ATP6V1C2: variants seen among roughly 807,000 people sequenced by gnomAD.
ATP6V1C2 encodes V-type proton ATPase subunit C 2.
Under a neutral mutation model 56.8 loss-of-function variants are expected in ATP6V1C2, and 45 were observed. The observed-to-expected ratio is 0.79, with a 90% CI of 0.62 to 1.02. ATP6V1C2 has a LOEUF of 1.02. Among genes scored for constraint, ATP6V1C2 ranks in the 50% least tolerant of loss-of-function variants. ATP6V1C2 has a pLI of 0.00. For synonymous variants in ATP6V1C2, 220 were observed against 201.3 expected, an observed-to-expected ratio of 1.09 and a Z score of -0.79; for missense variants, 463 against 519.7, an observed-to-expected ratio of 0.89 and a Z score of 1.06.
At position 10,782,353 on chromosome 2, in the gene ATP6V1C2, T is replaced by C; in HGVS notation, c.1172T>C (p.Val391Ala). ...LNSVFRHLDE[V>A]AATSILDASV... ...TCTGTCTTCCGACATCTGGATGAAG[T>C]AGCCGCTACAAGTATACTGGATGTA... The change falls in exon 13 of 14, where the codon GTA becomes GCA. Residue 391 changes from valine (V) to alanine (A), a missense_variant. By Grantham distance (64) the Val-to-Ala change is moderately conservative. Coordinates refer to ENST00000272238, the MANE Select transcript of ATP6V1C2 (RefSeq NM_001039362.2). 1 of 1,614,198 alleles carries C rather than the reference T, an allele frequency of 6.2e-7. No homozygotes were observed.
chr2:10,746,617 G>A (rs948473596), intron 3 of ATP6V1C2, among the ~76,000 whole-genome samples: 3 of 151,888 alleles, frequency 2.0e-5, no homozygotes, highest in African/African-American at 7.3e-5. Context: ...TCACCATGTC[G>A]ACCAGGATGA....
intron 3 of ATP6V1C2, among the ~76,000 whole-genome samples, chr2:10,742,747 C>A (rs932632589): frequency 3.3e-5 from 5 of 152,268 alleles, no homozygotes; most frequent in Middle Eastern, 3.4e-3. Context: ...GCCTTGGGGT[C>A]CAGGGTTTAG....
chr2:10,765,752 T>C (rs892777207), intron 5 of ATP6V1C2, among the ~76,000 whole-genome samples: 2 of 152,204 alleles, frequency 1.3e-5, no homozygotes, highest in Non-Finnish European at 2.9e-5. Flanking sequence ...AAGCACATGA[T>C]GGCTGGTGGG....
rs1661441375 is a variant in ATP6V1C2 at position 10,722,900 on chromosome 2, A to G, written c.51A>G (p.Gln17=). 2 of 1,614,110 alleles carry G rather than the reference A, an allele frequency of 1.2e-6. No individual in the cohort carries two copies. The highest frequency in any genetic ancestry group is 1.7e-6 in the Non-Finnish European group (2 of 1,180,016). The change falls in exon 2 of 14, where the codon CAA becomes CAG. Residue 17 remains glutamine (Q), a synonymous_variant. Coordinates refer to ENST00000272238, the MANE Select transcript of ATP6V1C2 (RefSeq NM_001039362.2). ...CCCCTGGCGATAAGGAAAATTTGCA[A>G]GCTCTGGAGAGGATGAATACTGTAA... The part of the protein sequence containing the change: ...ISAPGDKENL[Q]ALERMNTVTS...
Position 10,763,497 on chromosome 2 carries a change from G to C in ATP6V1C2, c.284-834G>C, listed in dbSNP as rs544720939. 6.6e-6 allele frequency among the ~76,000 whole-genome samples: 1 copy of C among 152,156 alleles called. No homozygotes were observed. The highest frequency in any genetic ancestry group is 1.5e-5 in the Non-Finnish European group (1 of 68,016). ...GCAGGGTGATGGGTGTGGAGTGAGC[G>C]TGACAGTCCCCTTTCATGCACCAGG... On this transcript the variant is annotated intron_variant, in intron 4 of 13. Coordinates refer to ENST00000272238, the MANE Select transcript of ATP6V1C2 (RefSeq NM_001039362.2). The surrounding 1 kb of genome is among the most constrained non-coding windows in gnomAD (Gnocchi z 4.2).
At chr2:10,753,854 C>A in intron 3 of ATP6V1C2, 127 bp from the exon 4 acceptor site, 1 of 813,624 alleles carries the variant, frequency 1.2e-6, no homozygotes, top group Non-Finnish European at 2.0e-6. Flanking sequence ...TTTTAACCCT[C>A]TTCATACATC....
Position 10,784,830 on chromosome 2 carries a change from G to A in ATP6V1C2, c.*1567G>A. 1 of 808,854 alleles carries A rather than the reference G, an allele frequency of 1.2e-6. No homozygotes were observed. The highest frequency in any genetic ancestry group is 2.1e-6 in the Non-Finnish European group (1 of 487,322). 50.1% of individuals were successfully genotyped at this position (808,854 alleles called of 1,614,324 possible). On this transcript the variant is annotated 3_prime_UTR_variant, in exon 14 of 14. Transcript: ENST00000272238. Reference sequence around the variant, plus strand: ...TTAAAAGGCCCACGGGTGCACCAGGGCTGAGGTCTGATGGGAAGGACTTGA... The same window carrying A: ...TTAAAAGGCCCACGGGTGCACCAGGACTGAGGTCTGATGGGAAGGACTTGA...
intron 6 of ATP6V1C2, among the ~76,000 whole-genome samples, chr2:10,769,474 C>T (rs536079826): frequency 1.8e-4 from 28 of 152,158 alleles, no homozygotes; most frequent in South Asian, 4.2e-4. Flanking sequence ...GAGGCTGAGG[C>T]GGGCGGATTA....
chr2:10,762,630 C>A (rs1432760234), intron 4 of ATP6V1C2, among the ~76,000 whole-genome samples: 2 of 152,106 alleles, frequency 1.3e-5, no homozygotes, highest in Non-Finnish European at 2.9e-5. Flanking sequence ...TTCCCATCTG[C>A]TTCTTGGGGA....
intron 3 of ATP6V1C2, among the ~76,000 whole-genome samples, chr2:10,753,384 A>G (rs1663328761): frequency 6.6e-6 from 1 of 152,118 alleles, no homozygotes; most frequent in African/African-American, 2.4e-5. Flanking sequence ...ACAATTCCTT[A>G]TTGTCGGACC....
At chr2:10,726,397 G>T in intron 2 of ATP6V1C2, 105 bp from the exon 3 acceptor site, 1 of 910,486 alleles carries the variant, frequency 1.1e-6, no homozygotes, top group East Asian at 2.4e-5. Context: ...TTGACCAAGG[G>T]TGACAAATTC....
rs564207233 is a variant in ATP6V1C2, at chr2:10,776,778, G to C, written c.826-807G>C. On this transcript the variant is annotated intron_variant, in intron 10 of 13. Coordinates refer to ENST00000272238, the MANE Select transcript of ATP6V1C2 (RefSeq NM_001039362.2). ...AGGCCTGCCAGACCCCCGGGGAACAGGGTGACACACAGGAGCCTGCCGCCT... is the reference window on the plus strand; with the variant it reads ...AGGCCTGCCAGACCCCCGGGGAACACGGTGACACACAGGAGCCTGCCGCCT... Among the ~76,000 whole-genome samples the C allele has an allele frequency of 2.0e-5, 3 of 152,330 alleles. No individual in the cohort carries two copies. The East Asian group carries it at 5.8e-4, about 30-fold the overall frequency.
At chr2:10,774,594 G>C (rs112929310) in intron 8 of ATP6V1C2, among the ~76,000 whole-genome samples, 194 bp from the exon 9 acceptor site, 4 of 152,214 alleles carry the variant, frequency 2.6e-5, no homozygotes, top group Non-Finnish European at 5.9e-5. Flanking sequence ...CCTTAGCCTG[G>C]AGGGGTGTGG....
Position 10,774,781 on chromosome 2 carries a change from C to G in ATP6V1C2, c.639-7C>G. 1 of 1,613,122 alleles carries G rather than the reference C, an allele frequency of 6.2e-7. No individual in the cohort carries two copies. ...GAGTCCAGCCAACAGATGCTTCTCT[C>G]CAACAGACTCATTACTGAGGACAAG... On this transcript the variant is annotated splice_polypyrimidine_tract_variant and splice_region_variant and intron_variant, in intron 8 of 13. Transcript: ENST00000272238.
chr2:10,781,464 C>T lies in ATP6V1C2; in HGVS notation c.1062-779C>T, dbSNP rs575876908. On this transcript the variant is annotated intron_variant, in intron 12 of 13. Transcript: ENST00000272238. ...TTGCACTCCAGCCTGCGTGACAGAG[C>T]GAGATTCTGTCTCAAAAAAAAAAAT... Among the ~76,000 whole-genome samples, 12 of 151,504 alleles carry T rather than the reference C, an allele frequency of 7.9e-5. No individual in the cohort carries two copies. In the East Asian group the frequency reaches 1.7e-3, roughly 22 times the overall value.
At chr2:10,764,707 T>C (rs374777064) in intron 5 of ATP6V1C2, among the ~76,000 whole-genome samples, 26 of 152,202 alleles carry the variant, frequency 1.7e-4, no homozygotes, top group Non-Finnish European at 2.6e-4. Flanking sequence ...CACGGTGGCT[T>C]ACGCCTGTAA....
intron 4 of ATP6V1C2, among the ~76,000 whole-genome samples, chr2:10,758,159 C>T (rs573605257): frequency 7.2e-5 from 11 of 152,262 alleles, no homozygotes; most frequent in African/African-American, 1.7e-4. Context: ...GGTCACTCCT[C>T]GGGCCCGGGA....
intron 10 of ATP6V1C2, among the ~76,000 whole-genome samples, chr2:10,776,290 C>G (rs989983917): frequency 7.2e-6 from 1 of 139,690 alleles, no homozygotes; most frequent in African/African-American, 2.7e-5. Context: ...TGCGCGCGCA[C>G]GTGCATGTAT....
At chr2:10,776,911 C>T (rs1665028119) in intron 10 of ATP6V1C2, among the ~76,000 whole-genome samples, 1 of 152,236 alleles carries the variant, frequency 6.6e-6, no homozygotes, top group Non-Finnish European at 1.5e-5. Context: ...GAGGTGGAGG[C>T]ACTCTCAGCT....
Sources: allele counts gnomAD v4.1 joint callset (sites outside exome capture counted in the v4.1 genomes callset), GRCh38; gene constraint gnomAD v4.1.1; non-coding constraint Gnocchi (gnomAD v3.1); transcripts MANE v1.5; gene names NCBI Gene and HGNC (gene_info 2026-07-23, HGNC 2026-07-21).